Variants in ST8SIA2 observed in about 807,000 individuals in gnomAD.
ST8SIA2 encodes alpha-2,8-sialyltransferase 8B.
A neutral mutation model predicts 37.6 loss-of-function variants in ST8SIA2; 22 were observed. The observed-to-expected ratio is 0.58, with a 90% CI of 0.42 to 0.83. The LOEUF (loss-of-function observed/expected upper bound fraction) is 0.83, where lower values mean the gene tolerates loss of function less well. Among genes scored for constraint, ST8SIA2 ranks in the 40% least tolerant of loss-of-function variants. ST8SIA2 has a pLI of 0.00. For synonymous variants in ST8SIA2, 205 were observed against 201.2 expected, an observed-to-expected ratio of 1.02 and a Z score of -0.16; for missense variants, 382 against 484.7, an observed-to-expected ratio of 0.79 and a Z score of 1.99.
At chr15:92,449,810 G>A (rs1272113095) in intron 5 of ST8SIA2, among the ~76,000 whole-genome samples, 1 of 152,182 alleles carries the variant, frequency 6.6e-6, no homozygotes, top group Non-Finnish European at 1.5e-5. Flanking sequence ...CTTTTGAGAA[G>A]TGGCTGTTCA....
intron 1 of ST8SIA2, among the ~76,000 whole-genome samples, chr15:92,396,562 C>T (rs767499204): frequency 4.6e-5 from 7 of 151,650 alleles, no homozygotes; most frequent in East Asian, 1.9e-4. Flanking sequence ...GGCACAATCT[C>T]GGCTCACTGC....
At chr15:92,444,095 G>C (rs2049823127) in intron 4 of ST8SIA2, among the ~76,000 whole-genome samples, 1 of 152,172 alleles carries the variant, frequency 6.6e-6, no homozygotes, top group Admixed American at 6.5e-5. Context: ...ATCCAGTAGT[G>C]TTCTAAGTAC....
Position 92,402,452 on chromosome 15 carries a change from T to C in ST8SIA2, c.98+8290T>C, listed in dbSNP as rs112460636. Among the ~76,000 whole-genome samples, 1,064 of 152,264 alleles carry C rather than the reference T, an allele frequency of 7.0e-3. 25 individuals carry two copies. Among genetic ancestry groups the C allele is most frequent in the African/African-American group, 0.025 (1,023 of 41,548 alleles). ...TAACACAGCTAGTAAGGTGCAGAGC[T>C]GGGATTCAAACCCAGGCTCCCAGGA... On this transcript the variant is annotated intron_variant, in intron 1 of 5. Transcript: ENST00000268164.
intron 1 of ST8SIA2, among the ~76,000 whole-genome samples, chr15:92,423,392 GC>G (rs1365400290): frequency 3.3e-5 from 5 of 152,238 alleles, no homozygotes; most frequent in African/African-American, 1.2e-4. Context: ...CTATACTCCA[GC>G]CTGGGCTATG....
At chr15:92,424,545 A>G (rs1414524369) in intron 1 of ST8SIA2, among the ~76,000 whole-genome samples, 1 of 151,754 alleles carries the variant, frequency 6.6e-6, no homozygotes, top group East Asian at 1.9e-4. Context: ...TTTATTTACT[A>G]TCATCGTTTA....
rs145237424 is a variant in ST8SIA2 at position 92,444,750 on chromosome 15, G to T, written c.663G>T (p.Thr221=). Residue 221 remains threonine (T), a synonymous_variant, in exon 5 of 6, where the codon ACG becomes ACT. Transcript: ENST00000268164. ...QRAFEDLVNA[T]WREKLLQRLH... ...CCTTTGAGGACTTGGTCAATGCCACGTGGCGGGAGAAGCTGCTGCAACGGC... is the reference window on the plus strand; with the variant it reads ...CCTTTGAGGACTTGGTCAATGCCACTTGGCGGGAGAAGCTGCTGCAACGGC... The T allele has an allele frequency of 6.2e-7, 1 of 1,614,076 alleles. No homozygotes were observed. Among genetic ancestry groups the T allele is most frequent in the African/African-American group, 1.3e-5 (1 of 74,934 alleles).
At chr15:92,434,608 G>A (rs1356432912) in intron 3 of ST8SIA2, among the ~76,000 whole-genome samples, 1 of 152,236 alleles carries the variant, frequency 6.6e-6, no homozygotes, top group African/African-American at 2.4e-5. Flanking sequence ...ACCCGCTGAG[G>A]TTCTGGGCTT....
At chr15:92,429,391 C>A (rs2049699021) in intron 1 of ST8SIA2, among the ~76,000 whole-genome samples, 8 of 152,050 alleles carry the variant, frequency 5.3e-5, no homozygotes, top group Admixed American at 5.2e-4. Flanking sequence ...GAGTGTAGGG[C>A]TGGAAAGGGC....
intron 5 of ST8SIA2, among the ~76,000 whole-genome samples, chr15:92,445,623 A>C (rs1237009314): frequency 6.6e-6 from 1 of 152,192 alleles, no homozygotes; most frequent in Non-Finnish European, 1.5e-5. Flanking sequence ...CCTAGGCAAT[A>C]TGAAAGAGAT....
intron 3 of ST8SIA2, among the ~76,000 whole-genome samples, chr15:92,436,008 C>T (rs1464285556): frequency 6.6e-6 from 1 of 152,074 alleles, no homozygotes; most frequent in Non-Finnish European, 1.5e-5. Context: ...GGCCGCAGAA[C>T]TCCAACCCCT....
chr15:92,445,147 T>C, intron 5 of ST8SIA2: 1 of 662,398 alleles, frequency 1.5e-6, no homozygotes, highest in South Asian at 1.8e-5. Context: ...GACCAATGGG[T>C]AGTGCCTGCC....
intron 4 of ST8SIA2, among the ~76,000 whole-genome samples, chr15:92,441,935 G>A (rs1361028304): frequency 1.3e-5 from 2 of 152,168 alleles, no homozygotes; most frequent in Non-Finnish European, 2.9e-5. Context: ...TCACCCTGCA[G>A]AGTACTCTTC....
At chr15:92,445,139 C>T in intron 5 of ST8SIA2, 1 of 692,378 alleles carries the variant, frequency 1.4e-6, no homozygotes. Context: ...CCAATTTTGA[C>T]CAATGGGTAG....
intron 4 of ST8SIA2, among the ~76,000 whole-genome samples, chr15:92,439,144 G>C (rs2049782359): frequency 1.3e-5 from 2 of 152,230 alleles, no homozygotes. Flanking sequence ...CCCTGAGGTA[G>C]AGCCTGGTAC....
intron 3 of ST8SIA2, among the ~76,000 whole-genome samples, 166 bp downstream of exon 3, chr15:92,434,541 C>G (rs2049741586): frequency 6.6e-6 from 1 of 152,194 alleles, no homozygotes; most frequent in Non-Finnish European, 1.5e-5. Flanking sequence ...AAACCCGAGA[C>G]AAGCCTAGCG....
intron 1 of ST8SIA2, among the ~76,000 whole-genome samples, chr15:92,395,365 C>T (rs1314939036): frequency 6.6e-6 from 1 of 152,222 alleles, no homozygotes; most frequent in Non-Finnish European, 1.5e-5. Context: ...GTCAGTCCCT[C>T]AAATGGGAGA....
chr15:92,440,040 A>T (rs1210849883), intron 4 of ST8SIA2, among the ~76,000 whole-genome samples: 1 of 152,168 alleles, frequency 6.6e-6, no homozygotes, highest in Non-Finnish European at 1.5e-5. Flanking sequence ...TGAGCTTTAC[A>T]CATCCCATGA....
At chr15:92,412,793 G>T (rs953864697) in intron 1 of ST8SIA2, among the ~76,000 whole-genome samples, 4 of 152,170 alleles carry the variant, frequency 2.6e-5, no homozygotes, top group African/African-American at 9.7e-5. Context: ...AAGCAGCTGG[G>T]ATTACAGGCG....
chr15:92,411,220 G>A (rs2049546379), intron 1 of ST8SIA2, among the ~76,000 whole-genome samples: 1 of 152,188 alleles, frequency 6.6e-6, no homozygotes, highest in Non-Finnish European at 1.5e-5. Context: ...ATTCCCAAAG[G>A]GACCCACAAA....
Sources: allele counts gnomAD v4.1 joint callset (sites outside exome capture counted in the v4.1 genomes callset), GRCh38; gene constraint gnomAD v4.1.1; transcripts MANE v1.5; gene names NCBI Gene and HGNC (gene_info 2026-07-23, HGNC 2026-07-21).